RABGAP1L: variants seen among roughly 807,000 people sequenced by gnomAD.
RABGAP1L encodes RAB GTPase activating protein 1 like, also known as rab GTPase-activating protein 1-like.
Under a neutral mutation model 137.7 loss-of-function variants are expected in RABGAP1L, and 63 were observed. The ratio of observed to expected loss-of-function variants is 0.46; its 90% confidence interval spans 0.37 to 0.56. RABGAP1L has a LOEUF of 0.56. RABGAP1L is among the 20% of genes least tolerant of loss of function. RABGAP1L has a pLI of 0.00. For missense variants in RABGAP1L, 1,095 were observed against 1,244.0 expected, an observed-to-expected ratio of 0.88 and a Z score of 1.80; for synonymous variants, 431 against 433.7, an observed-to-expected ratio of 0.99 and a Z score of 0.08.
At chr1:174,449,476 C>A (rs1157121965) in intron 13 of RABGAP1L, among the ~76,000 whole-genome samples, 1 of 152,152 alleles carries the variant, frequency 6.6e-6, no homozygotes, top group East Asian at 1.9e-4. Flanking sequence ...TATCTCAAAT[C>A]TTCTGCAGGA....
At chr1:174,262,794 C>A (rs966796174) in intron 7 of RABGAP1L, among the ~76,000 whole-genome samples, 1 of 152,246 alleles carries the variant, frequency 6.6e-6, no homozygotes, top group African/African-American at 2.4e-5. Flanking sequence ...AATCTGTCCT[C>A]TTAGCTGATC....
chr1:174,369,461 G>A (rs753046783), intron 11 of RABGAP1L, among the ~76,000 whole-genome samples: 5 of 152,188 alleles, frequency 3.3e-5, no homozygotes, highest in Non-Finnish European at 7.4e-5. Flanking sequence ...TGGGATTACA[G>A]GCCTGAGCCA....
intron 7 of RABGAP1L, among the ~76,000 whole-genome samples, chr1:174,270,691 A>G (rs980105951): frequency 6.6e-6 from 1 of 152,160 alleles, no homozygotes; most frequent in Admixed American, 6.5e-5. Context: ...ATACTTTCCA[A>G]ACTGTTAGCA....
rs1473305133 is a variant in RABGAP1L at position 174,937,665 on chromosome 1, T to A, written c.2341-19792T>A. Among the ~76,000 whole-genome samples the A allele has an allele frequency of 6.4e-5, 9 of 140,288 alleles. 1 individual carries two copies. The highest frequency in any genetic ancestry group is 2.6e-4 in the African/African-American group (9 of 34,678). The allele number at this position is 140,288 out of a possible 152,430, so 92.0% of individuals were successfully genotyped here. On this transcript the variant is annotated intron_variant, in intron 19 of 25. Coordinates refer to ENST00000681986, the MANE Select transcript of RABGAP1L (RefSeq NM_001366446.1). ...CAGTTAGAAACTGTCATAAATGTAT[T>A]ACAGTGCTTGGTGCTGGTTTGTTTT...
intron 19 of RABGAP1L, among the ~76,000 whole-genome samples, chr1:174,822,949 G>T (rs1691196477): frequency 6.6e-6 from 1 of 152,128 alleles, no homozygotes; most frequent in East Asian, 1.9e-4. Flanking sequence ...AACCTGATGG[G>T]TAAACTAATG....
At chr1:174,475,341 G>A (rs1478692791) in intron 13 of RABGAP1L, among the ~76,000 whole-genome samples, 1 of 152,004 alleles carries the variant, frequency 6.6e-6, no homozygotes, top group Non-Finnish European at 1.5e-5. Context: ...ATGATTGGTT[G>A]GACTGTCTTT....
At chr1:174,639,047 A>G (rs1674309397) in intron 14 of RABGAP1L, among the ~76,000 whole-genome samples, 1 of 152,018 alleles carries the variant, frequency 6.6e-6, no homozygotes, top group South Asian at 2.1e-4. Context: ...AAAAAAAAAA[A>G]AAAGCACTCA....
At chr1:174,378,847 A>T (rs1473030328) in intron 12 of RABGAP1L, among the ~76,000 whole-genome samples, 1 of 123,104 alleles carries the variant, frequency 8.1e-6, no homozygotes, top group Non-Finnish European at 1.8e-5. Flanking sequence ...TGTTTTGGAC[A>T]TGAAGTCCTT....
At chr1:174,699,375 T>C (rs1472692080) in intron 15 of RABGAP1L, 150 bp from the exon 16 acceptor site, 3 of 537,208 alleles carry the variant, frequency 5.6e-6, no homozygotes, top group East Asian at 3.1e-5. Flanking sequence ...AAGGAGGTCA[T>C]GTCACTCTGC....
At chr1:174,453,991 G>C (rs1040666182) in intron 13 of RABGAP1L, among the ~76,000 whole-genome samples, 1 of 152,090 alleles carries the variant, frequency 6.6e-6, no homozygotes, top group East Asian at 1.9e-4. Context: ...AAGGCTGGGC[G>C]CGGTGGCTCA....
At chr1:174,281,451 T>A (rs1438286915) in intron 10 of RABGAP1L, among the ~76,000 whole-genome samples, 2 of 152,224 alleles carry the variant, frequency 1.3e-5, no homozygotes, top group Non-Finnish European at 1.5e-5. Flanking sequence ...AACCTTTAGC[T>A]AGACAGAGTG....
At chr1:174,964,752 GC>G (rs1330602122) in intron 20 of RABGAP1L, 1 of 1,285,698 alleles carries the variant, frequency 7.8e-7, no homozygotes, top group African/African-American at 1.5e-5. Flanking sequence ...GTTGAGACTT[GC>G]CCACTGGCTA....
chr1:174,469,788 A>G (rs778639387), intron 13 of RABGAP1L, among the ~76,000 whole-genome samples: 2 of 152,126 alleles, frequency 1.3e-5, no homozygotes, highest in Non-Finnish European at 2.9e-5. Context: ...ATTGCTCACT[A>G]GACCAATATT....
At chr1:174,600,274 A>G (rs1414834959) in intron 13 of RABGAP1L, among the ~76,000 whole-genome samples, 1 of 152,166 alleles carries the variant, frequency 6.6e-6, no homozygotes, top group African/African-American at 2.4e-5. Flanking sequence ...ATACAATTCA[A>G]GTTGAGATTT....
intron 13 of RABGAP1L, among the ~76,000 whole-genome samples, chr1:174,532,160 C>T (rs1056352403): frequency 6.6e-6 from 1 of 151,630 alleles, no homozygotes; most frequent in African/African-American, 2.4e-5. Flanking sequence ...ATTGAGAAAG[C>T]AGTTTAGATC....
rs551334816 is a variant in RABGAP1L at position 174,640,920 on chromosome 1, T to A, written c.1824+3432T>A. On this transcript the variant is annotated intron_variant, in intron 14 of 25. Coordinates refer to ENST00000681986, the MANE Select transcript of RABGAP1L (RefSeq NM_001366446.1). ...CAACACAATTGTAGGCCTTTTTTTT[T>A]AAAATAGTGTTTTCTATATTAAATA... 1.0e-3 allele frequency among the ~76,000 whole-genome samples: 155 copies of A among 148,142 alleles called. 1 individual carries two copies. The highest frequency in any genetic ancestry group is 3.6e-3 in the South Asian group (17 of 4,766).
At chr1:174,288,871 C>CTGTA (rs1380883144) in intron 10 of RABGAP1L, among the ~76,000 whole-genome samples, 2 of 152,024 alleles carry the variant, frequency 1.3e-5, no homozygotes, top group Non-Finnish European at 2.9e-5. Context: ...TCCAGGTATC[C>CTGTA]TGTAGACTTT....
chr1:174,531,613 G>A (rs1664411117), intron 13 of RABGAP1L, among the ~76,000 whole-genome samples: 1 of 152,064 alleles, frequency 6.6e-6, no homozygotes, highest in African/African-American at 2.4e-5. Context: ...TGCATCTTTA[G>A]TTCAAGCTAC....
At chr1:174,850,182 G>C in intron 19 of RABGAP1L, 3 of 407,814 alleles carry the variant, frequency 7.4e-6, no homozygotes, top group South Asian at 6.0e-5. Context: ...CTCATAACAT[G>C]ATGCCCTCAG....
Sources: allele counts gnomAD v4.1 joint callset (sites outside exome capture counted in the v4.1 genomes callset), GRCh38; gene constraint gnomAD v4.1.1; transcripts MANE v1.5; gene names NCBI Gene and HGNC (gene_info 2026-07-23, HGNC 2026-07-21).